Variants in SAMMSON observed in about 807,000 individuals in gnomAD.
The protein encoded by SAMMSON is survival associated mitochondrial melanoma specific oncogenic non-coding RNA.
intron 7 of SAMMSON, among the ~76,000 whole-genome samples, chr3:70,315,358 A>G (rs935243404): frequency 5.3e-5 from 8 of 152,178 alleles, no homozygotes; most frequent in Non-Finnish European, 1.0e-4. Flanking sequence ...TTTTCTATAT[A>G]GAATTTTCTT....
intron 4 of SAMMSON, among the ~76,000 whole-genome samples, chr3:70,130,869 G>C (rs1262799832): frequency 6.6e-6 from 1 of 152,114 alleles, no homozygotes; most frequent in Non-Finnish European, 1.5e-5. Context: ...ATGGAGCATA[G>C]ACATGCTATT....
chr3:70,065,509 CT>C (rs1195980477), intron 3 of SAMMSON, among the ~76,000 whole-genome samples: 5 of 151,802 alleles, frequency 3.3e-5, no homozygotes, highest in Non-Finnish European at 7.4e-5. Flanking sequence ...AAGAAAAGTG[CT>C]TTGTGTTTTG....
In SAMMSON at chr3:70,002,633, A is replaced by C. The variant is rs561025542; in HGVS notation, n.22+2766A>C. Among the ~76,000 whole-genome samples, 4 of 152,300 alleles carry C rather than the reference A, an allele frequency of 2.6e-5. No individual in the cohort carries two copies. The East Asian group carries it at 7.7e-4, about 29-fold the overall frequency. On this transcript the variant is annotated intron_variant and non_coding_transcript_variant, in intron 1 of 9. Transcript: ENST00000642114. ...TCATAGCTGGAAGTAGAGGCCACTA[A>C]AACAGATTTCTTAAACTCCAAGTAC...
chr3:70,161,443 T>C (rs2067614897), intron 4 of SAMMSON, among the ~76,000 whole-genome samples: 1 of 152,082 alleles, frequency 6.6e-6, no homozygotes, highest in South Asian at 2.1e-4. Flanking sequence ...GTGGTTTTTG[T>C]TCTTTCTCTG....
chr3:70,151,445 A>G (rs1203272250), intron 4 of SAMMSON, among the ~76,000 whole-genome samples: 1 of 151,990 alleles, frequency 6.6e-6, no homozygotes, highest in Admixed American at 6.6e-5. Context: ...TCCCAACTGG[A>G]TTTCTGTTGA....
chr3:70,289,337 A>T (rs200541023), intron 6 of SAMMSON, among the ~76,000 whole-genome samples: 7,992 of 151,194 alleles, frequency 0.053, 524 homozygotes, highest in East Asian at 0.36. Flanking sequence ...TTGGCTGGAT[A>T]TGAAATTCTG....
chr3:70,175,733 A>G (rs1701004552), intron 4 of SAMMSON, among the ~76,000 whole-genome samples: 1 of 152,118 alleles, frequency 6.6e-6, no homozygotes, highest in South Asian at 2.1e-4. Context: ...ATAAGGTGAT[A>G]ATGGCTTAGA....
chr3:70,407,640 T>C (rs1474267381), intron 2 of SAMMSON, among the ~76,000 whole-genome samples: 1 of 152,238 alleles, frequency 6.6e-6, no homozygotes, highest in Admixed American at 6.5e-5. Flanking sequence ...TGGGCAGCTC[T>C]GCCCCTGTGG....
At chr3:70,071,367 G>A (rs960036933) in intron 3 of SAMMSON, 2 of 152,062 alleles carry the variant, frequency 1.3e-5, no homozygotes, top group Non-Finnish European at 2.9e-5. Context: ...TGAACCGAAA[G>A]AAATAGTGAA....
At chr3:70,018,192 C>A (rs1035369593) in intron 3 of SAMMSON, among the ~76,000 whole-genome samples, 1 of 152,022 alleles carries the variant, frequency 6.6e-6, no homozygotes, top group Non-Finnish European at 1.5e-5. Context: ...TGATAGAATT[C>A]GGCTGTGAAT....
At chr3:70,026,765 A>G (rs2067041209) in intron 3 of SAMMSON, among the ~76,000 whole-genome samples, 1 of 152,238 alleles carries the variant, frequency 6.6e-6, no homozygotes, top group South Asian at 2.1e-4. Flanking sequence ...CTGGTTAGCA[A>G]TGTCAACCTA....
chr3:70,130,242 G>T (rs1463145739), intron 4 of SAMMSON, among the ~76,000 whole-genome samples: 2 of 152,202 alleles, frequency 1.3e-5, no homozygotes, highest in Non-Finnish European at 2.9e-5. Context: ...GTAAGTCAAA[G>T]AATTGCATCT....
intron 4 of SAMMSON, among the ~76,000 whole-genome samples, chr3:70,086,387 G>A (rs987055677): frequency 6.6e-5 from 10 of 152,174 alleles, no homozygotes; most frequent in African/African-American, 1.9e-4. Context: ...GATCTATTAC[G>A]TAGTAATGAA....
intron 4 of SAMMSON, among the ~76,000 whole-genome samples, chr3:70,210,552 G>A (rs564860604): frequency 1.3e-5 from 2 of 151,890 alleles, no homozygotes; most frequent in Non-Finnish European, 2.9e-5. Flanking sequence ...TGTATTATTC[G>A]ACATTGCACC....
chr3:70,405,729 T>C (rs898653911), intron 2 of SAMMSON, among the ~76,000 whole-genome samples: 3 of 152,124 alleles, frequency 2.0e-5, no homozygotes, highest in East Asian at 1.9e-4. Context: ...CGAATCTGCA[T>C]GTAGCTGGAC....
chr3:70,279,760 A>G (rs1036320903), intron 6 of SAMMSON, among the ~76,000 whole-genome samples: 1 of 152,166 alleles, frequency 6.6e-6, no homozygotes, highest in African/African-American at 2.4e-5. Context: ...CATAAATGCC[A>G]TCCCTCTTTT....
At chr3:70,063,473 C>A (rs901495879) in intron 3 of SAMMSON, among the ~76,000 whole-genome samples, 1 of 152,004 alleles carries the variant, frequency 6.6e-6, no homozygotes, top group African/African-American at 2.4e-5. Flanking sequence ...GGAGGCTAGC[C>A]CTTCTTGAGA....
At chr3:70,333,514 C>A (rs1306699552) in intron 7 of SAMMSON, among the ~76,000 whole-genome samples, 2 of 152,150 alleles carry the variant, frequency 1.3e-5, no homozygotes, top group Admixed American at 6.5e-5. Context: ...CCTGGAACTA[C>A]CACACTCATA....
At chr3:70,186,757 CTCATAAAGTG>C (rs1382774005) in intron 4 of SAMMSON, among the ~76,000 whole-genome samples, 2 of 152,164 alleles carry the variant, frequency 1.3e-5, no homozygotes, top group African/African-American at 4.8e-5. Context: ...ATAATCAGTG[CTCATAAAGTG>C]TCATTATGAA....
Sources: allele counts gnomAD v4.1 joint callset (sites outside exome capture counted in the v4.1 genomes callset), GRCh38; gene constraint gnomAD v4.1.1; transcripts MANE v1.5; gene names NCBI Gene and HGNC (gene_info 2026-07-23, HGNC 2026-07-21).